SLCO6A1: variants seen among roughly 807,000 people sequenced by gnomAD.
SLCO6A1 encodes solute carrier organic anion transporter family member 6A1.
A neutral mutation model predicts 72.7 loss-of-function variants in SLCO6A1; 65 were observed. That is an observed-to-expected ratio of 0.89 (90% CI 0.73 to 1.10). SLCO6A1 has a LOEUF of 1.10. Among genes scored for constraint, SLCO6A1 ranks in the 50% least tolerant of loss-of-function variants. SLCO6A1 has a pLI of 0.00. For missense variants in SLCO6A1, 874 were observed against 872.6 expected (o/e 1.00, Z -0.02); for synonymous variants, 314 against 298.2 (o/e 1.05, Z -0.55).
At chr5:102,408,455 CT>C (rs1747793235) in intron 9 of SLCO6A1, among the ~76,000 whole-genome samples, 1 of 152,108 alleles carries the variant, frequency 6.6e-6, no homozygotes, top group Admixed American at 6.6e-5. Context: ...TGAAGATACT[CT>C]GTGAAACCCA....
At chr5:102,375,069 C>A (rs1745706521) in intron 12 of SLCO6A1, among the ~76,000 whole-genome samples, 1 of 152,066 alleles carries the variant, frequency 6.6e-6, no homozygotes, top group African/African-American at 2.4e-5. Context: ...AAATACAAAC[C>A]TTTACTCTGG....
rs757871166 is a variant in SLCO6A1, at chr5:102,477,662, G to T, written c.802+14C>A. 8 of 1,601,528 alleles carry T rather than the reference G, an allele frequency of 5.0e-6. No homozygotes were observed. The highest frequency in any genetic ancestry group is 1.7e-4 in the Middle Eastern group (1 of 5,982). On this transcript the variant is annotated intron_variant, in intron 3 of 13. Transcript: ENST00000506729. ...TCAAAATGGGTCAATCGTAATAGAG[G>T]GGGTAAAACTTGCCTAAATAGATAC...
chr5:102,470,159 T>A (rs1334964039), intron 4 of SLCO6A1, among the ~76,000 whole-genome samples: 1 of 152,144 alleles, frequency 6.6e-6, no homozygotes, highest in Non-Finnish European at 1.5e-5. Flanking sequence ...GGTTTCAGGA[T>A]GATGCTGGCC....
chr5:102,480,455 G>T (rs142237568), intron 1 of SLCO6A1, 21 bp from the exon 2 acceptor site: 1 of 1,585,878 alleles, frequency 6.3e-7, no homozygotes, highest in Admixed American at 1.9e-5. Flanking sequence ...AAAAGAAAAA[G>T]AGAAAACAAC....
intron 6 of SLCO6A1, among the ~76,000 whole-genome samples, chr5:102,445,010 G>A (rs1750032446): frequency 6.6e-6 from 1 of 152,084 alleles, no homozygotes; most frequent in African/African-American, 2.4e-5. Flanking sequence ...ATTTGCTATT[G>A]TGAATAGTAC....
At chr5:102,457,689 T>C (rs2112751882) in intron 6 of SLCO6A1, among the ~76,000 whole-genome samples, 1 of 152,312 alleles carries the variant, frequency 6.6e-6, no homozygotes. Flanking sequence ...CGGAAGTCAA[T>C]GTGGCGATTC....
intron 1 of SLCO6A1, among the ~76,000 whole-genome samples, chr5:102,485,006 C>A (rs953495849): frequency 1.3e-4 from 19 of 151,956 alleles, no homozygotes; most frequent in Admixed American, 1.0e-3. Context: ...AATCCCAGCA[C>A]TTTGGGAGGC....
At chr5:102,376,440 G>T (rs1745797873) in intron 12 of SLCO6A1, among the ~76,000 whole-genome samples, 1 of 151,824 alleles carries the variant, frequency 6.6e-6, no homozygotes, top group Non-Finnish European at 1.5e-5. Context: ...ACCAATGGAG[G>T]GGGAGAAATG....
At chr5:102,388,890 C>CTGT in intron 11 of SLCO6A1, 65 bp from the exon 12 acceptor site, 1 of 1,397,356 alleles carries the variant, frequency 7.2e-7, no homozygotes, top group East Asian at 2.5e-5. Context: ...ATGTAATGCA[C>CTGT]ACACAGATAA....
chr5:102,460,588 A>G (rs1750972861), intron 4 of SLCO6A1, among the ~76,000 whole-genome samples: 1 of 152,108 alleles, frequency 6.6e-6, no homozygotes. Context: ...GGGGAGGTTG[A>G]TTAATACATA....
At chr5:102,417,756 T>TA (rs1458821698) in intron 8 of SLCO6A1, among the ~76,000 whole-genome samples, 1 of 152,138 alleles carries the variant, frequency 6.6e-6, no homozygotes, top group Non-Finnish European at 1.5e-5. Context: ...CTGAAAGACT[T>TA]CCTTTAACAT....
intron 9 of SLCO6A1, among the ~76,000 whole-genome samples, chr5:102,410,468 A>T (rs115388208): frequency 0.019 from 2,837 of 152,304 alleles, 32 homozygotes; most frequent in Admixed American, 0.029. Context: ...ATTCACGAAG[A>T]CTAGCCAGAG....
intron 1 of SLCO6A1, among the ~76,000 whole-genome samples, chr5:102,491,806 C>T (rs559116369): frequency 6.6e-6 from 1 of 152,366 alleles, no homozygotes; most frequent in African/African-American, 2.4e-5. Flanking sequence ...GGAGCTGCGG[C>T]AGGCTGGAGG....
chr5:102,456,055 A>G (rs1036675201), intron 6 of SLCO6A1, among the ~76,000 whole-genome samples: 1 of 152,102 alleles, frequency 6.6e-6, no homozygotes, highest in Non-Finnish European at 1.5e-5. Context: ...AAATTCAATA[A>G]CCCTTCATGC....
intron 11 of SLCO6A1, among the ~76,000 whole-genome samples, chr5:102,389,458 AC>A (rs1481454446): frequency 3.0e-5 from 1 of 33,810 alleles, no homozygotes; most frequent in African/African-American, 1.3e-4. Context: ...CCCCACCCCC[AC>A]ACACACAGAG....
In SLCO6A1 at chr5:102,498,458, C is replaced by T. The variant is rs372439959; in HGVS notation, c.358+29G>A. ...GCCAGTGCGGCCCCAGCTGCCCTCG[C>T]CACAACAAACCGCCTCCTTCAGGCT... On this transcript the variant is annotated intron_variant, in intron 1 of 13. Coordinates refer to ENST00000506729, the MANE Select transcript of SLCO6A1 (RefSeq NM_173488.5). The T allele has an allele frequency of 6.9e-6, 11 of 1,592,578 alleles. No individual in the cohort carries two copies. In the African/African-American group the frequency reaches 1.5e-4, roughly 21 times the overall value.
intron 6 of SLCO6A1, among the ~76,000 whole-genome samples, chr5:102,442,793 G>C (rs1392900257): frequency 6.6e-6 from 1 of 152,202 alleles, no homozygotes; most frequent in East Asian, 1.9e-4. Context: ...GTTGCGCGCA[G>C]TGGCTCATGC....
At chr5:102,437,345 G>C (rs79768224) in intron 7 of SLCO6A1, among the ~76,000 whole-genome samples, 3,514 of 152,236 alleles carry the variant, frequency 0.023, 137 homozygotes, top group African/African-American at 0.08. Flanking sequence ...GGTCAGTAGA[G>C]AAACTTAAGG....
At chr5:102,413,330 G>T (rs137937359) in intron 8 of SLCO6A1, among the ~76,000 whole-genome samples, 187 bp from the exon 9 acceptor site, 30 of 151,994 alleles carry the variant, frequency 2.0e-4, no homozygotes, top group African/African-American at 7.0e-4. Flanking sequence ...TTTTTGATAT[G>T]TGTATACACT....
Sources: allele counts gnomAD v4.1 joint callset (sites outside exome capture counted in the v4.1 genomes callset), GRCh38; gene constraint gnomAD v4.1.1; transcripts MANE v1.5; gene names NCBI Gene and HGNC (gene_info 2026-07-23, HGNC 2026-07-21).